VPS41: variants seen among roughly 807,000 people sequenced by gnomAD.
The protein encoded by VPS41 is VPS41 subunit of HOPS complex.
VPS41 carries 85 observed loss-of-function variants against 130.9 expected under a neutral mutation model. That is an observed-to-expected ratio of 0.65 (90% CI 0.55 to 0.78). The LOEUF (loss-of-function observed/expected upper bound fraction) is 0.78. Among genes scored for constraint, VPS41 ranks in the 30% least tolerant of loss-of-function variants. The pLI is 0.00. For synonymous variants in VPS41, 335 were observed against 332.9 expected (o/e 1.01, Z -0.07); for missense variants, 874 against 1,018.7 (o/e 0.86, Z 1.93).
At chr7:38,856,177 GAC>G (rs1157999095) in intron 4 of VPS41, among the ~76,000 whole-genome samples, 1 of 152,112 alleles carries the variant, frequency 6.6e-6, no homozygotes, top group East Asian at 1.9e-4. Context: ...GTTTTTAAGA[GAC>G]ACAGTCTTGC....
At chr7:38,769,679 A>T (rs940837622) in intron 14 of VPS41, among the ~76,000 whole-genome samples, 5 of 152,130 alleles carry the variant, frequency 3.3e-5, no homozygotes, top group Non-Finnish European at 1.5e-5. Context: ...TTTCATCCAC[A>T]CAGAGTCAGT....
chr7:38,851,381 T>C (rs940539569), intron 4 of VPS41, among the ~76,000 whole-genome samples: 4 of 152,264 alleles, frequency 2.6e-5, no homozygotes, highest in African/African-American at 7.2e-5. Context: ...CAGATTTGTT[T>C]GCATTTTCTA....
intron 4 of VPS41, among the ~76,000 whole-genome samples, chr7:38,848,668 A>G (rs551291573): frequency 2.0e-4 from 31 of 152,310 alleles, no homozygotes; most frequent in Non-Finnish European, 4.1e-4. Context: ...TCCACACTTT[A>G]CAGATGAAGA....
At chr7:38,905,090 T>C (rs1787228369) in intron 1 of VPS41, among the ~76,000 whole-genome samples, 2 of 152,184 alleles carry the variant, frequency 1.3e-5, no homozygotes, top group South Asian at 2.1e-4. Context: ...AATTTGACAA[T>C]TTGAAATGCT....
chr7:38,863,585 G>A (rs1212994980), intron 3 of VPS41, among the ~76,000 whole-genome samples: 1 of 152,126 alleles, frequency 6.6e-6, no homozygotes, highest in Non-Finnish European at 1.5e-5. Flanking sequence ...AAAATATGAA[G>A]CTACATTAAA....
chr7:38,849,510 G>A (rs1031537833), intron 4 of VPS41, among the ~76,000 whole-genome samples: 7 of 152,182 alleles, frequency 4.6e-5, no homozygotes, highest in African/African-American at 1.7e-4. Context: ...AGCCCGAAAG[G>A]AGACAGTTTT....
intron 2 of VPS41, among the ~76,000 whole-genome samples, chr7:38,882,978 C>T (rs147469789): frequency 0.019 from 2,835 of 152,256 alleles, 95 homozygotes; most frequent in African/African-American, 0.064. Context: ...CACAGTGGCT[C>T]ATGCCTGTAA....
At chr7:38,887,171 T>C (rs1786752128) in intron 2 of VPS41, among the ~76,000 whole-genome samples, 2 of 152,134 alleles carry the variant, frequency 1.3e-5, no homozygotes, top group Admixed American at 1.3e-4. Flanking sequence ...ACTGGATGGA[T>C]AACGAGTTTG....
chr7:38,752,706 T>C (rs1421548219), intron 21 of VPS41, among the ~76,000 whole-genome samples: 1 of 152,224 alleles, frequency 6.6e-6, no homozygotes, highest in Non-Finnish European at 1.5e-5. Flanking sequence ...ACAGTAGTTG[T>C]CAATATCATC....
intron 11 of VPS41, among the ~76,000 whole-genome samples, chr7:38,774,851 A>G (rs1784227869): frequency 6.6e-6 from 1 of 152,126 alleles, no homozygotes; most frequent in Admixed American, 6.6e-5. Flanking sequence ...CATGTGCTTT[A>G]TCAATGAATG....
At chr7:38,861,660 T>C (rs1357129931) in intron 4 of VPS41, among the ~76,000 whole-genome samples, 3 of 152,190 alleles carry the variant, frequency 2.0e-5, no homozygotes, top group Non-Finnish European at 2.9e-5. Flanking sequence ...ACTATATCAA[T>C]AGATGGATAT....
chr7:38,872,189 G>A (rs1490163714), intron 2 of VPS41, among the ~76,000 whole-genome samples: 4 of 152,152 alleles, frequency 2.6e-5, no homozygotes, highest in African/African-American at 9.7e-5. Context: ...ACTGTTGGCA[G>A]AAGTTGCCAA....
intron 11 of VPS41, among the ~76,000 whole-genome samples, chr7:38,776,271 C>A (rs1287641258): frequency 6.6e-6 from 1 of 152,136 alleles, no homozygotes; most frequent in Non-Finnish European, 1.5e-5. Flanking sequence ...TATGTCTGGA[C>A]CAAAGAAAAT....
intron 6 of VPS41, among the ~76,000 whole-genome samples, chr7:38,820,292 C>G (rs541889500): frequency 6.6e-6 from 1 of 152,272 alleles, no homozygotes; most frequent in African/African-American, 2.4e-5. Context: ...CCCAATCACT[C>G]TCCTGTTTAA....
intron 4 of VPS41, among the ~76,000 whole-genome samples, chr7:38,849,850 A>G (rs983610182): frequency 6.6e-5 from 10 of 152,028 alleles, no homozygotes; most frequent in Non-Finnish European, 1.0e-4. Context: ...CTGGGTCCTT[A>G]GGTATAGGCC....
chr7:38,873,493 A>G (rs1363266577), intron 2 of VPS41, among the ~76,000 whole-genome samples: 2 of 152,170 alleles, frequency 1.3e-5, no homozygotes, highest in Non-Finnish European at 2.9e-5. Flanking sequence ...TCCACGGTAA[A>G]CAACCCAGTG....
chr7:38,893,655 C>T (rs1343058490), intron 2 of VPS41, among the ~76,000 whole-genome samples: 6 of 152,202 alleles, frequency 3.9e-5, no homozygotes, highest in African/African-American at 4.8e-5. Flanking sequence ...AATTTTGCCA[C>T]AACCAATTAT....
At chr7:38,892,252 A>G (rs1018500066) in intron 2 of VPS41, among the ~76,000 whole-genome samples, 4 of 152,170 alleles carry the variant, frequency 2.6e-5, no homozygotes, top group African/African-American at 7.2e-5. Flanking sequence ...TAAAGGCAGT[A>G]TAACTAGAGG....
chr7:38,757,077 A>G, intron 18 of VPS41, 95 bp from the exon 19 acceptor site: 1 of 991,110 alleles, frequency 1.0e-6, no homozygotes, highest in Non-Finnish European at 1.5e-6. Flanking sequence ...AAATGGAAAC[A>G]CTCCTTTAGA....
Sources: allele counts gnomAD v4.1 joint callset (sites outside exome capture counted in the v4.1 genomes callset), GRCh38; gene constraint gnomAD v4.1.1; transcripts MANE v1.5; gene names NCBI Gene and HGNC (gene_info 2026-07-23, HGNC 2026-07-21).